DEUP1: variants seen among roughly 807,000 people sequenced by gnomAD.
DEUP1 encodes deuterosome assembly protein 1, also known as coiled-coil domain containing 67.
A neutral mutation model predicts 87.4 loss-of-function variants in DEUP1; 82 were observed. That is an observed-to-expected ratio of 0.94 (90% CI 0.78 to 1.13). DEUP1 has a LOEUF of 1.13. Among genes scored for constraint, DEUP1 ranks in the 50% most tolerant of loss-of-function variants. The pLI, the probability that DEUP1 is intolerant of heterozygous loss-of-function variation, is 0.00. For synonymous variants in DEUP1, 214 were observed against 222.7 expected (o/e 0.96, Z 0.35); for missense variants, 663 against 681.5 (o/e 0.97, Z 0.30).
intron 2 of DEUP1, among the ~76,000 whole-genome samples, chr11:93,351,254 T>G (rs1433773232): frequency 2.0e-5 from 3 of 152,020 alleles, no homozygotes; most frequent in Admixed American, 6.6e-5. Flanking sequence ...CACTGAACAA[T>G]ATTGATTGAG....
At chr11:93,335,907 G>T (rs1943735632) in intron 2 of DEUP1, among the ~76,000 whole-genome samples, 1 of 152,128 alleles carries the variant, frequency 6.6e-6, no homozygotes. Flanking sequence ...CTGAGGTTGG[G>T]AGTTCAAGAC....
chr11:93,364,588 A>C (rs1945321847), intron 5 of DEUP1, among the ~76,000 whole-genome samples: 1 of 151,762 alleles, frequency 6.6e-6, no homozygotes, highest in Non-Finnish European at 1.5e-5. Flanking sequence ...ATTGAAGGAC[A>C]CCCCTGGGGT....
intron 11 of DEUP1, among the ~76,000 whole-genome samples, chr11:93,405,902 C>T (rs2134407881): frequency 6.6e-6 from 1 of 151,952 alleles, no homozygotes; most frequent in East Asian, 1.9e-4. Context: ...ATGTTTTACT[C>T]AGGTTATTTT....
At chr11:93,393,085 TTC>T (rs1238941260) in intron 9 of DEUP1, among the ~76,000 whole-genome samples, 4 of 50,356 alleles carry the variant, frequency 7.9e-5, no homozygotes, top group Admixed American at 3.0e-4. Flanking sequence ...CTCTTCCTCC[TTC>T]TTTTTTTTTT....
At chr11:93,409,078 A>G (rs552619854) in intron 12 of DEUP1, among the ~76,000 whole-genome samples, 1 of 152,146 alleles carries the variant, frequency 6.6e-6, no homozygotes. Context: ...GCTGGTCTCT[A>G]ACTCCTGACC....
intron 2 of DEUP1, among the ~76,000 whole-genome samples, chr11:93,347,897 G>A (rs1015019024): frequency 6.6e-6 from 1 of 151,920 alleles, no homozygotes; most frequent in African/African-American, 2.4e-5. Context: ...GTGCCACCAC[G>A]CCTGGCTAAT....
At position 93,391,084 on chromosome 11, in the gene DEUP1, G is replaced by GAA. The variant is rs61521758; in HGVS notation, c.1041+1973_1041+1974dup. On this transcript the variant is annotated intron_variant, in intron 9 of 13. Coordinates refer to ENST00000298050, the MANE Select transcript of DEUP1 (RefSeq NM_181645.4). ...GCGACAGAGCAAGACTCTGTCTCAG[G>GAA]AAAAAAAAAAAAAAAGCTTCCAAGT... Among the ~76,000 whole-genome samples, 418 of 122,502 alleles carry GAA rather than the reference G, an allele frequency of 3.4e-3. 3 individuals carry two copies. The highest frequency in any genetic ancestry group is 9.2e-3 in the African/African-American group (319 of 34,526). 80.4% of individuals were successfully genotyped at this position (122,502 alleles called of 152,430 possible). A position where few individuals can be genotyped will look rare whatever the true frequency, so the allele number is the denominator to read the frequency against.
chr11:93,418,717 A>G (rs1169123456), intron 13 of DEUP1, among the ~76,000 whole-genome samples: 1 of 151,998 alleles, frequency 6.6e-6, no homozygotes, highest in African/African-American at 2.4e-5. Context: ...ATGCTGCTAT[A>G]AAGACACATG....
At chr11:93,337,638 C>T (rs1420251493) in intron 2 of DEUP1, among the ~76,000 whole-genome samples, 1 of 152,048 alleles carries the variant, frequency 6.6e-6, no homozygotes, top group Admixed American at 6.6e-5. Context: ...GGGTTAAAAT[C>T]CTGACATGTC....
At chr11:93,332,324 G>A (rs369918160) in intron 2 of DEUP1, 36 bp downstream of exon 2, 16 of 1,554,512 alleles carry the variant, frequency 1.0e-5, no homozygotes, top group Non-Finnish European at 1.4e-5. Flanking sequence ...ATAAGTATGT[G>A]CTTAACTGTG....
rs1947497857 is a variant in DEUP1, at chr11:93,413,272, C to G, written c.1524-1728C>G. Among the ~76,000 whole-genome samples the G allele has an allele frequency of 7.1e-5, 10 of 141,282 alleles. 1 individual carries two copies. In the South Asian group the frequency reaches 2.2e-3, roughly 31 times the overall value. The allele number at this position is 141,282 out of a possible 152,430, so 92.7% of individuals were successfully genotyped here. ...TTTTTTTTTTTTTGAGACGGAGTCT[C>G]TCTCTGTCGCCCAGGCTGGAGTGCA... On this transcript the variant is annotated intron_variant, in intron 12 of 13. Transcript: ENST00000298050.
intron 2 of DEUP1, among the ~76,000 whole-genome samples, chr11:93,339,861 G>A (rs938805330): frequency 6.6e-6 from 1 of 152,186 alleles, no homozygotes; most frequent in Non-Finnish European, 1.5e-5. Flanking sequence ...CTCCCTCCAA[G>A]TGGCAACAGA....
intron 11 of DEUP1, among the ~76,000 whole-genome samples, chr11:93,402,457 A>C (rs867392362): frequency 3.3e-5 from 5 of 152,060 alleles, no homozygotes; most frequent in African/African-American, 7.2e-5. Flanking sequence ...AAGTTTCCTC[A>C]AAAAACTAAA....
chr11:93,355,429 A>G lies in DEUP1; in HGVS notation c.88A>G (p.Ser30Gly), dbSNP rs774202838. The G allele has an allele frequency of 6.2e-7, 1 of 1,613,806 alleles. No individual in the cohort carries two copies. Among genetic ancestry groups the G allele is most frequent in the South Asian group, 1.1e-5 (1 of 91,070 alleles). Residue 30 changes from serine (S) to glycine (G), a missense_variant, in exon 3 of 14, where the codon AGC becomes GGC. Physicochemically the swap from Ser to Gly is moderately conservative, Grantham distance 56. Coordinates refer to ENST00000298050, the MANE Select transcript of DEUP1 (RefSeq NM_181645.4). ...AATGGAACAAATTGACATCATGGTA[A>G]GCAACAAGAAAATGGATTGGGAAAG... ...ELMEQIDIMV[S>G]NKKMDWERKM...
chr11:93,367,391 T>C (rs1028413871), intron 5 of DEUP1, among the ~76,000 whole-genome samples: 1 of 152,200 alleles, frequency 6.6e-6, no homozygotes, highest in African/African-American at 2.4e-5. Flanking sequence ...TTTTCCAGCA[T>C]TGCCAATCCA....
chr11:93,437,833 G>A lies in DEUP1; in HGVS notation c.*114G>A. The A allele has an allele frequency of 1.5e-6, 1 of 665,468 alleles. No individual in the cohort carries two copies. The allele number at this position is 665,468 out of a possible 1,614,324, so 41.2% of individuals were successfully genotyped here. On this transcript the variant is annotated 3_prime_UTR_variant, in exon 14 of 14. Transcript: ENST00000298050. ...CCAAGAAATTCTGTTCTGTTTCCTT[G>A]AGTAAATAATTTCCGTAAGGCAGCT...
chr11:93,360,092 A>G (rs1321038003), intron 4 of DEUP1, among the ~76,000 whole-genome samples: 1 of 152,048 alleles, frequency 6.6e-6, no homozygotes, highest in Non-Finnish European at 1.5e-5. Context: ...ACCCACCCCC[A>G]CTATAGTATC....
Position 93,397,638 on chromosome 11 carries a change from G to A in DEUP1, c.1326+1313G>A, listed in dbSNP as rs143659059. On this transcript the variant is annotated intron_variant, in intron 11 of 13. Coordinates refer to ENST00000298050, the MANE Select transcript of DEUP1 (RefSeq NM_181645.4). ...GTGTTTTTAAGAAATAGCAGACACA[G>A]AGATGTATAAAGAAGCTAATGATCC... is the stretch of plus-strand genomic sequence containing the variant. Among the ~76,000 whole-genome samples, 27 of 152,242 alleles carry A rather than the reference G, an allele frequency of 1.8e-4. No homozygotes were observed. The East Asian group carries it at 5.2e-3, about 29-fold the overall frequency.
intron 11 of DEUP1, among the ~76,000 whole-genome samples, chr11:93,397,892 GA>G (rs1327339525): frequency 6.6e-6 from 1 of 151,750 alleles, no homozygotes; most frequent in South Asian, 2.1e-4. Context: ...TAATTTCTTA[GA>G]AAAAATATAT....
Sources: gnomAD v4.1 joint callset for allele counts (sites outside exome capture counted in the v4.1 genomes callset) on GRCh38, gnomAD v4.1.1 for gene constraint, MANE v1.5 for transcripts, NCBI Gene and HGNC (gene_info 2026-07-23, HGNC 2026-07-21) for gene names.